Variants in TIAM2 observed in about 807,000 individuals in gnomAD.
TIAM2 encodes the protein TIAM Rac1 associated GEF 2.
In TIAM2, 80 loss-of-function variants were observed where a neutral mutation model predicts 152.9. The observed-to-expected ratio is 0.52, with a 90% confidence interval of 0.44 to 0.63. TIAM2 has a LOEUF of 0.63. Among genes scored for constraint, TIAM2 ranks in the 30% least tolerant of loss-of-function variants. The pLI is 0.00. For synonymous variants in TIAM2, 804 were observed against 838.0 expected, an observed-to-expected ratio of 0.96 and a Z score of 0.70; for missense variants, 1,965 against 2,120.1, an observed-to-expected ratio of 0.93 and a Z score of 1.44.
At chr6:155,153,407 G>A (rs1780021243) in intron 7 of TIAM2, among the ~76,000 whole-genome samples, 1 of 151,552 alleles carries the variant, frequency 6.6e-6, no homozygotes. Context: ...AGGAGCTCAA[G>A]ATCAGGTGGG....
At chr6:155,195,607 TTAA>T (rs2115174756) in intron 14 of TIAM2, among the ~76,000 whole-genome samples, 1 of 152,184 alleles carries the variant, frequency 6.6e-6, no homozygotes, top group Non-Finnish European at 1.5e-5. Flanking sequence ...AACCTCACAA[TTAA>T]TAAGTTATAT....
Position 155,257,700 on chromosome 6 carries a change from A to T in TIAM2, c.*579A>T. Reference sequence around the variant, plus strand: ...ATATTTATTTTCTCTGCCAAGCTGTATAGTAAAAGGAAAATAAGTCACATC... The same window carrying T: ...ATATTTATTTTCTCTGCCAAGCTGTTTAGTAAAAGGAAAATAAGTCACATC... On this transcript the variant is annotated 3_prime_UTR_variant, in exon 27 of 27. Transcript: ENST00000682666. The T allele has an allele frequency of 1.0e-6, 1 of 1,004,370 alleles. No homozygotes were observed. The highest frequency in any genetic ancestry group is 1.5e-6 in the Non-Finnish European group (1 of 667,268). 62.2% of individuals were successfully genotyped at this position (1,004,370 alleles called of 1,614,324 possible).
At position 155,094,724 on chromosome 6, in the gene TIAM2, G is replaced by GTT. The variant is rs200208029; in HGVS notation, c.-118+4357_-118+4358dup. On this transcript the variant is annotated intron_variant, in intron 2 of 26. Coordinates refer to ENST00000682666, the MANE Select transcript of TIAM2 (RefSeq NM_012454.4). Reference sequence around the variant, plus strand: ...CCCACCATACCTGGCTATATCTATGGTTTTTTTTTTTTTGTTTTTTTGTTT... The same window carrying GTT: ...CCCACCATACCTGGCTATATCTATGGTTTTTTTTTTTTTTTGTTTTTTTGTTT... Among the ~76,000 whole-genome samples, 83 of 136,184 alleles carry GTT rather than the reference G, an allele frequency of 6.1e-4. 1 individual carries two copies. Among genetic ancestry groups the GTT allele is most frequent in the Admixed American group, 1.6e-3 (21 of 12,960 alleles). 89.3% of individuals were successfully genotyped at this position (136,184 alleles called of 152,430 possible).
At chr6:155,168,907 C>T (rs1348765108) in intron 9 of TIAM2, 2 of 1,534,996 alleles carry the variant, frequency 1.3e-6, no homozygotes, top group African/African-American at 2.7e-5. Context: ...ACTCCAGTAA[C>T]TCCAGTGAGG....
intron 9 of TIAM2, among the ~76,000 whole-genome samples, chr6:155,165,777 G>A (rs1780416960): frequency 6.6e-6 from 1 of 152,052 alleles, no homozygotes; most frequent in Admixed American, 6.6e-5. Context: ...GACAGAGCGA[G>A]ACCCCGTCTC....
chr6:155,036,213 C>T (rs940447361), intron 1 of TIAM2, among the ~76,000 whole-genome samples: 2 of 152,082 alleles, frequency 1.3e-5, no homozygotes, highest in African/African-American at 4.8e-5. Flanking sequence ...TGAAATGCGT[C>T]ATTTGTTCCT....
chr6:155,231,683 C>A (rs1562363377), intron 15 of TIAM2, among the ~76,000 whole-genome samples: 1 of 152,232 alleles, frequency 6.6e-6, no homozygotes, highest in Admixed American at 6.5e-5. Flanking sequence ...GACCTGGCTG[C>A]AGTGGGGTAG....
chr6:155,126,482 C>T (rs924891196), intron 2 of TIAM2, among the ~76,000 whole-genome samples: 17 of 152,158 alleles, frequency 1.1e-4, no homozygotes, highest in East Asian at 5.8e-4. Flanking sequence ...CTGTAATCCC[C>T]GCGCTTTGGG....
In TIAM2 at chr6:155,183,516, G is replaced by A; in HGVS notation, c.3064+16G>A. Reference sequence around the variant, plus strand: ...ACAGCCAATGGTAAGGCTTTGTTCTGTCTTCCTTCTTAACTGCTGGTATCA... The same window carrying A: ...ACAGCCAATGGTAAGGCTTTGTTCTATCTTCCTTCTTAACTGCTGGTATCA... On this transcript the variant is annotated intron_variant, in intron 14 of 26. Coordinates refer to ENST00000682666, the MANE Select transcript of TIAM2 (RefSeq NM_012454.4). 1 of 1,586,212 alleles carries A rather than the reference G, an allele frequency of 6.3e-7. No individual in the cohort carries two copies. Among genetic ancestry groups the A allele is most frequent in the Non-Finnish European group, 8.6e-7 (1 of 1,166,360 alleles).
intron 4 of TIAM2, among the ~76,000 whole-genome samples, chr6:155,135,247 T>C (rs1234085681): frequency 6.6e-6 from 1 of 152,200 alleles, no homozygotes; most frequent in Non-Finnish European, 1.5e-5. Context: ...TCTCCAGTTG[T>C]GTGATTATTC....
chr6:155,051,038 G>A (rs1183411516), intron 1 of TIAM2, among the ~76,000 whole-genome samples: 1 of 152,198 alleles, frequency 6.6e-6, no homozygotes. Flanking sequence ...ACAGAGCAAA[G>A]GGATTGGAAA....
intron 14 of TIAM2, among the ~76,000 whole-genome samples, chr6:155,184,480 G>A (rs373512279): frequency 4.6e-5 from 7 of 152,214 alleles, no homozygotes; most frequent in Non-Finnish European, 8.8e-5. Flanking sequence ...TTAGGGGCTC[G>A]GCTAGTACTG....
At chr6:155,078,421 T>C (rs900156394) in intron 1 of TIAM2, among the ~76,000 whole-genome samples, 1 of 152,206 alleles carries the variant, frequency 6.6e-6, no homozygotes, top group Non-Finnish European at 1.5e-5. Flanking sequence ...CATCCTTATC[T>C]GCTTTTCTCC....
chr6:155,017,051 G>C (rs755798), intron 1 of TIAM2, among the ~76,000 whole-genome samples: 5,450 of 152,270 alleles, frequency 0.036, 300 homozygotes, highest in African/African-American at 0.12. Context: ...TAATATGTCA[G>C]TAAACAGAGC....
At chr6:154,996,762 TTA>T (rs1434533431) in intron 1 of TIAM2, among the ~76,000 whole-genome samples, 2 of 152,240 alleles carry the variant, frequency 1.3e-5, no homozygotes, top group Non-Finnish European at 2.9e-5. Context: ...CTTAAGATTG[TTA>T]TGTTTTAAAA....
chr6:155,042,529 G>A (rs1777072339), intron 1 of TIAM2, among the ~76,000 whole-genome samples: 2 of 152,146 alleles, frequency 1.3e-5, no homozygotes, highest in African/African-American at 2.4e-5. Flanking sequence ...CCCCGGAGGC[G>A]GAGGTTGCTG....
intron 1 of TIAM2, among the ~76,000 whole-genome samples, chr6:155,029,431 GTATATATTATAC>G (rs1776751332): frequency 1.8e-4 from 1 of 5,704 alleles, no homozygotes; most frequent in African/African-American, 5.2e-4. Context: ...ATATACTATA[GTATATATTATAC>G]TATAGTATAT....
chr6:155,234,708 C>A (rs1476131218), intron 15 of TIAM2, among the ~76,000 whole-genome samples: 2 of 152,174 alleles, frequency 1.3e-5, no homozygotes, highest in Admixed American at 1.3e-4. Flanking sequence ...CCAGACCAGT[C>A]TTTTGCTTTT....
At chr6:155,154,469 G>C (rs1780057132) in intron 7 of TIAM2, among the ~76,000 whole-genome samples, 1 of 152,182 alleles carries the variant, frequency 6.6e-6, no homozygotes, top group Non-Finnish European at 1.5e-5. Flanking sequence ...GGATGATGCA[G>C]CTTTCATTTG....
Sources: allele counts gnomAD v4.1 joint callset (sites outside exome capture counted in the v4.1 genomes callset), GRCh38; gene constraint gnomAD v4.1.1; transcripts MANE v1.5; gene names NCBI Gene and HGNC (gene_info 2026-07-23, HGNC 2026-07-21).